The following STRAP variants were observed in gnomAD, a reference collection of about 807,000 sequenced individuals.
STRAP encodes the protein serine/threonine kinase receptor associated protein, also known as serine-threonine kinase receptor-associated protein.
A neutral mutation model predicts 47.0 loss-of-function variants in STRAP; 16 were observed. That is an observed-to-expected ratio of 0.34 (90% CI 0.23 to 0.52). The LOEUF is 0.52. Among genes scored for constraint, STRAP ranks in the 20% least tolerant of loss-of-function variants. The pLI, the probability that STRAP is intolerant of heterozygous loss-of-function variation, is 0.96. For missense variants in STRAP, 293 were observed against 420.0 expected, an observed-to-expected ratio of 0.70 and a Z score of 2.64; for synonymous variants, 130 against 142.7, an observed-to-expected ratio of 0.91 and a Z score of 0.63.
In STRAP at chr12:15,882,662, C is replaced by A; in HGVS notation, c.-46C>A. On this transcript the variant is annotated 5_prime_UTR_variant, in exon 1 of 10. Transcript: ENST00000419869. The stretch of plus-strand genomic sequence containing the variant: ...CTGCAGCAGAAGAGAGAAAAGACAA[C>A]GACGACCCTCAGCTCGCCAGTCCGG... The A allele has an allele frequency of 6.6e-7, 1 of 1,524,968 alleles. No homozygotes were observed. Among genetic ancestry groups the A allele is most frequent in the Non-Finnish European group, 8.9e-7 (1 of 1,119,920 alleles). 94.5% of individuals were successfully genotyped at this position (1,524,968 alleles called of 1,614,324 possible). A position where few individuals can be genotyped will look rare whatever the true frequency, so the allele number is the denominator to read the frequency against.
chr12:15,890,778 G>A lies in STRAP; in HGVS notation c.403+109G>A. 2.2e-6 allele frequency: 2 copies of A among 911,664 alleles called. No individual in the cohort carries two copies. Among genetic ancestry groups the A allele is most frequent in the Non-Finnish European group, 1.7e-6 (1 of 602,630 alleles). 56.5% of individuals were successfully genotyped at this position (911,664 alleles called of 1,614,324 possible). On this transcript the variant is annotated intron_variant, in intron 4 of 9. Transcript: ENST00000419869. This position sits in a 1 kb window ranked among gnomAD's most constrained non-coding sequence, Gnocchi z 4.5. ...AAATTTGGAAAATAAAGATAGTCATGGCCGGGCACGGTGGCTCATACCTGT... is the reference window on the plus strand; with the variant it reads ...AAATTTGGAAAATAAAGATAGTCATAGCCGGGCACGGTGGCTCATACCTGT...
In STRAP at chr12:15,894,517, CATTTA is replaced by C. The variant is rs1565575921; in HGVS notation, c.500+377_500+381del. Among the ~76,000 whole-genome samples the C allele has an allele frequency of 6.6e-6, 1 of 152,164 alleles. No individual in the cohort carries two copies. The highest frequency in any genetic ancestry group is 1.9e-4 in the East Asian group (1 of 5,204). ...TACCTTAGAGCTTATATTTTAAATA[CATTTA>C]ATATTATGTGTGAAAAATGTTCTGA... is the stretch of plus-strand genomic sequence containing the variant. On this transcript the variant is annotated intron_variant, in intron 5 of 9. Transcript: ENST00000419869. The surrounding 1 kb of genome is among the most constrained non-coding windows in gnomAD (Gnocchi z 4.9).
At chr12:15,899,816 C>G (rs1167342622) in intron 7 of STRAP, 88 bp from the exon 8 acceptor site, 1 of 1,308,928 alleles carries the variant, frequency 7.6e-7, no homozygotes, top group Non-Finnish European at 1.1e-6. Flanking sequence ...TTCCATCTCC[C>G]CAGTAACACA....
chr12:15,886,449 T>C (rs1565573253), intron 2 of STRAP, among the ~76,000 whole-genome samples: 1 of 152,164 alleles, frequency 6.6e-6, no homozygotes, highest in Non-Finnish European at 1.5e-5. Flanking sequence ...GCAGGATGTT[T>C]CTTAAATGTC....
At chr12:15,893,564 A>C (rs1185431256) in intron 4 of STRAP, among the ~76,000 whole-genome samples, 2 of 147,088 alleles carry the variant, frequency 1.4e-5, no homozygotes, top group East Asian at 3.9e-4. Flanking sequence ...TATTATACTT[A>C]TACAATTATA....
chr12:15,886,555 T>TAG (rs1947974303), intron 2 of STRAP, among the ~76,000 whole-genome samples: 1 of 152,298 alleles, frequency 6.6e-6, no homozygotes, highest in South Asian at 2.1e-4. Flanking sequence ...TCCAATATGA[T>TAG]CTCTGTCACA....
chr12:15,894,072 T>G lies in STRAP; in HGVS notation c.429T>G (p.Thr143=). 1 of 1,613,584 alleles carries G rather than the reference T, an allele frequency of 6.2e-7. No individual in the cohort carries two copies. Among genetic ancestry groups the G allele is most frequent in the East Asian group, 2.2e-5 (1 of 44,868 alleles). The stretch of plus-strand genomic sequence containing the variant: ...AACCTAAGGAAATTAGTGGTCATAC[T>G]TCTGGTATAAAAAAAGCTCTGTGGT... ...EAEPKEISGH[T]SGIKKALWCS... is the part of the protein sequence containing the mutation. Residue 143 remains threonine, a synonymous_variant, in exon 5 of 10, where the codon ACT becomes ACG. Transcript: ENST00000419869. The surrounding 1 kb of genome is among the most constrained non-coding windows in gnomAD (Gnocchi z 4.9).
chr12:15,897,222 T>C (rs1948066457), intron 6 of STRAP, among the ~76,000 whole-genome samples: 2 of 152,226 alleles, frequency 1.3e-5, no homozygotes, highest in South Asian at 4.1e-4. Flanking sequence ...TAATGTTTTG[T>C]ATTGGAGGCC....
At position 15,890,616 on chromosome 12, in the gene STRAP, C is replaced by G. The variant is rs1273046185; in HGVS notation, c.350C>G (p.Thr117Ser). ...DFTQDSNYLL[T>S]GGQDKLLRIY... Reference sequence around the variant, plus strand: ...TTTCAGGATAGTAATTATTTGTTAACCGGGGGACAGGATAAACTGTTACGC... The same window carrying G: ...TTTCAGGATAGTAATTATTTGTTAAGCGGGGGACAGGATAAACTGTTACGC... Residue 117 changes from threonine (T) to serine (S), a missense_variant, in exon 4 of 10, where the codon ACC (threonine) becomes AGC (serine). Thr to Ser is a moderately conservative substitution (Grantham distance 58, BLOSUM62 1). Around this residue, in one of 5 missense-constraint regions of STRAP, gnomAD observed 152 missense variants for 183.0 expected, o/e 0.83. Coordinates refer to ENST00000419869, the MANE Select transcript of STRAP (RefSeq NM_007178.4). This position sits in a 1 kb window ranked among gnomAD's most constrained non-coding sequence, Gnocchi z 4.5. 1 of 1,611,008 alleles carries G rather than the reference C, an allele frequency of 6.2e-7. No homozygotes were observed. Among genetic ancestry groups the G allele is most frequent in the African/African-American group, 1.3e-5 (1 of 74,634 alleles).
intron 4 of STRAP, among the ~76,000 whole-genome samples, chr12:15,893,522 TTTTA>T (rs1008630000): frequency 2.3e-4 from 34 of 147,146 alleles, no homozygotes; most frequent in African/African-American, 3.2e-4. Flanking sequence ...AATATATACT[TTTTA>T]TTTATTATAC....
At chr12:15,898,619 G>T (rs1202482649) in intron 7 of STRAP, among the ~76,000 whole-genome samples, 2 of 152,150 alleles carry the variant, frequency 1.3e-5, no homozygotes, top group Non-Finnish European at 2.9e-5. Flanking sequence ...GAAAGGGAAA[G>T]GCATGGGGAT....
Position 15,900,009 on chromosome 12 carries a change from CTG to C in STRAP, c.884_885del (p.Val295GlyfsTer14). 2.5e-6 allele frequency: 4 copies of C among 1,613,758 alleles called. No homozygotes were observed. Among genetic ancestry groups the C allele is most frequent in the Non-Finnish European group, 3.4e-6 (4 of 1,179,850 alleles). ...GATGGAACATTGAGACTATGGCAAA[CTG>C]TGGTAGGAAAAACGTATGGCCTTTG... is the stretch of plus-strand genomic sequence containing the variant. On this transcript the variant is annotated frameshift_variant, in exon 8 of 10. Coordinates refer to ENST00000419869, the MANE Select transcript of STRAP (RefSeq NM_007178.4). LOFTEE classifies it high-confidence loss of function.
chr12:15,898,298 G>A (rs942453482), intron 7 of STRAP: 5 of 182,554 alleles, frequency 2.7e-5, no homozygotes, highest in African/African-American at 1.2e-4. Context: ...TGAGTTTTAG[G>A]CTTTATTGGC....
At chr12:15,900,798 A>G (rs1948096742) in intron 8 of STRAP, 149 bp from the exon 9 acceptor site, 3 of 517,406 alleles carry the variant, frequency 5.8e-6, no homozygotes, top group Non-Finnish European at 6.2e-6. Flanking sequence ...CTATTTTTAG[A>G]ATCACAGTTA....
Position 15,900,956 on chromosome 12 carries a change from G to A in STRAP, c.935G>A (p.Ser312Asn). Residue 312 changes from serine to asparagine, a missense_variant, in exon 9 of 10, where the codon AGT becomes AAT. Transcript: ENST00000419869. ...GCTTTTCTTTTTACAGAAGAAGATAGTGGTGAGCTGGCAAAGCCAAAGATT... is the reference window on the plus strand; with the variant it reads ...GCTTTTCTTTTTACAGAAGAAGATAATGGTGAGCTGGCAAAGCCAAAGATT... ...LWKCVLPEED[S>N]GELAKPKIGF... The A allele has an allele frequency of 8.2e-6, 13 of 1,594,296 alleles. No individual in the cohort carries two copies. The highest frequency in any genetic ancestry group is 1.1e-5 in the Non-Finnish European group (13 of 1,170,624).
chr12:15,883,479 T>G, intron 1 of STRAP, 62 bp from the exon 2 acceptor site: 1 of 1,528,392 alleles, frequency 6.5e-7, no homozygotes, highest in Non-Finnish European at 8.8e-7. Flanking sequence ...TATTTACATT[T>G]GAATCTTAGA....
rs1158409084 is a variant in STRAP, at chr12:15,894,230, G to T, written c.500+87G>T. The stretch of plus-strand genomic sequence containing the variant: ...ATCTCAGCACTTTGGGAGGCGAGCC[G>T]GGTGGATCATTAGAGGTCAGGAGTA... On this transcript the variant is annotated intron_variant, in intron 5 of 9. Coordinates refer to ENST00000419869, the MANE Select transcript of STRAP (RefSeq NM_007178.4). The surrounding 1 kb of genome is among the most constrained non-coding windows in gnomAD (Gnocchi z 4.9). 2.9e-6 allele frequency: 3 copies of T among 1,027,682 alleles called. No homozygotes were observed. Among genetic ancestry groups the T allele is most frequent in the South Asian group, 1.3e-5 (1 of 74,410 alleles). The allele number at this position is 1,027,682 out of a possible 1,614,324, so 63.7% of individuals were successfully genotyped here.
chr12:15,883,545 T>C lies in STRAP; in HGVS notation c.117T>C (p.Gly39=). 6.2e-7 allele frequency: 1 copy of C among 1,612,522 alleles called. No individual in the cohort carries two copies. The highest frequency in any genetic ancestry group is 1.1e-5 in the South Asian group (1 of 90,738). The change falls in exon 2 of 10, where the codon GGT becomes GGC. Residue 39 remains glycine (G), a synonymous_variant. Coordinates refer to ENST00000419869, the MANE Select transcript of STRAP (RefSeq NM_007178.4). ...GYFLISACKD[G]KPMLRQGDTG... ...GTTTTAAAAAATATTTTCTAGATGG[T>C]AAACCTATGCTACGCCAGGGAGATA... is the stretch of plus-strand genomic sequence containing the variant.
chr12:15,899,156 CT>C (rs1948083584), intron 7 of STRAP, among the ~76,000 whole-genome samples: 1 of 152,218 alleles, frequency 6.6e-6, no homozygotes, highest in South Asian at 2.1e-4. Context: ...TCTGCCTAGC[CT>C]TTCTCTTTCC....
Sources: allele counts gnomAD v4.1 joint callset (sites outside exome capture counted in the v4.1 genomes callset), GRCh38; gene constraint gnomAD v4.1.1; regional missense constraint gnomAD v4.1.1; non-coding constraint Gnocchi (gnomAD v3.1); transcripts MANE v1.5; gene names NCBI Gene and HGNC (gene_info 2026-07-23, HGNC 2026-07-21).